SNTG1: variants seen among roughly 807,000 people sequenced by gnomAD.
SNTG1 encodes gamma-1-syntrophin.
SNTG1 carries 39 observed loss-of-function variants against 74.7 expected under a neutral mutation model. The observed-to-expected ratio is 0.52, with a 90% confidence interval of 0.40 to 0.68. The LOEUF is 0.68. SNTG1 is among the 30% of genes least tolerant of loss of function. The pLI, the probability that SNTG1 is intolerant of heterozygous loss-of-function variation, is 0.00. For synonymous variants in SNTG1, 254 were observed against 217.1 expected (o/e 1.17, Z -1.49); for missense variants, 685 against 609.5 (o/e 1.12, Z -1.30).
intron 12 of SNTG1, among the ~76,000 whole-genome samples, chr8:50,569,382 C>T (rs551336069): frequency 7.3e-5 from 11 of 151,326 alleles, no homozygotes; most frequent in African/African-American, 2.7e-4. Flanking sequence ...ATATTTTACA[C>T]ACTTACGTGC....
At chr8:50,100,230 G>C (rs2080072326) in intron 1 of SNTG1, among the ~76,000 whole-genome samples, 1 of 152,046 alleles carries the variant, frequency 6.6e-6, no homozygotes, top group Non-Finnish European at 1.5e-5. Flanking sequence ...CATAGAAGTA[G>C]AGTAAAATAG....
chr8:50,416,614 T>G (rs1329868846), intron 4 of SNTG1, among the ~76,000 whole-genome samples: 1 of 152,174 alleles, frequency 6.6e-6, no homozygotes, highest in Non-Finnish European at 1.5e-5. Flanking sequence ...TACTTAGTTC[T>G]TGGTAATTTA....
At chr8:50,679,482 TTAAAC>T (rs2095322765) in intron 15 of SNTG1, among the ~76,000 whole-genome samples, 1 of 152,178 alleles carries the variant, frequency 6.6e-6, no homozygotes. Context: ...ATAAGTCTGT[TTAAAC>T]TAGTCACTTT....
At chr8:50,785,172 C>G (rs897888940) in intron 18 of SNTG1, among the ~76,000 whole-genome samples, 2 of 151,450 alleles carry the variant, frequency 1.3e-5, no homozygotes, top group African/African-American at 4.8e-5. Context: ...TAAGCAGGAA[C>G]AAGGACAATT....
chr8:50,309,867 T>C (rs2090039802), intron 2 of SNTG1, among the ~76,000 whole-genome samples: 1 of 152,228 alleles, frequency 6.6e-6, no homozygotes, highest in Admixed American at 6.5e-5. Context: ...TAATTCGCTG[T>C]CCGCAAACTC....
At chr8:50,472,104 A>C (rs922028944) in intron 8 of SNTG1, among the ~76,000 whole-genome samples, 2 of 152,174 alleles carry the variant, frequency 1.3e-5, no homozygotes, top group African/African-American at 4.8e-5. Context: ...AATTTTTATT[A>C]ATACATCAGA....
At chr8:49,939,369 AAT>A (rs1476066461) in intron 1 of SNTG1, among the ~76,000 whole-genome samples, 1 of 152,216 alleles carries the variant, frequency 6.6e-6, no homozygotes, top group East Asian at 1.9e-4. Context: ...GTTGCCAATA[AAT>A]AGTTTAATTG....
intron 17 of SNTG1, among the ~76,000 whole-genome samples, chr8:50,739,768 A>G (rs2095538474): frequency 6.6e-6 from 1 of 152,046 alleles, no homozygotes. Flanking sequence ...GCACTAGTTC[A>G]AAACCAGACA....
chr8:50,084,121 G>C (rs1193545654), intron 1 of SNTG1, among the ~76,000 whole-genome samples: 1 of 152,066 alleles, frequency 6.6e-6, no homozygotes, highest in African/African-American at 2.4e-5. Context: ...GGTTCATGTC[G>C]GGGGAAATGT....
chr8:50,787,243 A>C (rs1456091459), intron 18 of SNTG1, among the ~76,000 whole-genome samples: 1 of 151,918 alleles, frequency 6.6e-6, no homozygotes, highest in Admixed American at 6.6e-5. Context: ...ATGATGCTCA[A>C]ATCATTAGTC....
At chr8:50,097,439 C>T (rs1055292428) in intron 1 of SNTG1, among the ~76,000 whole-genome samples, 1 of 152,112 alleles carries the variant, frequency 6.6e-6, no homozygotes, top group African/African-American at 2.4e-5. Context: ...CTCACAATCA[C>T]AAAATTCCTT....
intron 2 of SNTG1, among the ~76,000 whole-genome samples, chr8:50,199,734 T>A (rs914102923): frequency 1.3e-5 from 2 of 152,122 alleles, no homozygotes; most frequent in African/African-American, 2.4e-5. Flanking sequence ...TGGAACCTGG[T>A]GGATGTAGGG....
intron 1 of SNTG1, among the ~76,000 whole-genome samples, chr8:49,973,973 C>T (rs901139560): frequency 1.3e-5 from 2 of 151,996 alleles, no homozygotes; most frequent in African/African-American, 4.8e-5. Context: ...AATATTTTAC[C>T]ATAAGCCCCA....
At chr8:50,037,716 C>A (rs903698247) in intron 1 of SNTG1, among the ~76,000 whole-genome samples, 3 of 152,182 alleles carry the variant, frequency 2.0e-5, no homozygotes, top group African/African-American at 7.2e-5. Flanking sequence ...TGTCAAGTTA[C>A]AAACATTGGG....
chr8:50,223,341 A>C (rs2132005716), intron 2 of SNTG1, among the ~76,000 whole-genome samples: 1 of 152,304 alleles, frequency 6.6e-6, no homozygotes, highest in African/African-American at 2.4e-5. Context: ...TGCTCATTTT[A>C]TATGGCTAGT....
intron 1 of SNTG1, among the ~76,000 whole-genome samples, chr8:50,010,006 A>G (rs1658678925): frequency 6.6e-6 from 1 of 152,140 alleles, no homozygotes; most frequent in African/African-American, 2.4e-5. Flanking sequence ...AAAAAACCCA[A>G]TTATTTATTT....
chr8:50,188,967 C>G (rs1198360690), intron 2 of SNTG1, among the ~76,000 whole-genome samples: 5 of 152,208 alleles, frequency 3.3e-5, no homozygotes, highest in South Asian at 2.1e-4. Context: ...CTGTTCAGAG[C>G]CCTTTTGTGT....
intron 2 of SNTG1, among the ~76,000 whole-genome samples, chr8:50,349,257 G>C (rs957785441): frequency 1.7e-4 from 26 of 151,932 alleles, no homozygotes; most frequent in African/African-American, 5.8e-4. Flanking sequence ...TGGGAATTGT[G>C]CTAGGTGCTA....
chr8:50,650,279 G>T (rs745376271), intron 13 of SNTG1, among the ~76,000 whole-genome samples: 11 of 151,794 alleles, frequency 7.2e-5, no homozygotes, highest in Non-Finnish European at 1.3e-4. Flanking sequence ...GGTTCAGATT[G>T]TGAATTATAT....
Sources: gnomAD v4.1 joint callset for allele counts (sites outside exome capture counted in the v4.1 genomes callset) on GRCh38, gnomAD v4.1.1 for gene constraint, MANE v1.5 for transcripts, NCBI Gene and HGNC (gene_info 2026-07-23, HGNC 2026-07-21) for gene names.